GDPD1: variants seen among roughly 807,000 people sequenced by gnomAD.
GDPD1 encodes glycerophosphodiester phosphodiesterase domain containing 1.
GDPD1 carries 28 observed loss-of-function variants against 45.1 expected under a neutral mutation model. That is an observed-to-expected ratio of 0.62 (90% CI 0.46 to 0.85). GDPD1 has a LOEUF of 0.85. GDPD1 is among the 40% of genes least tolerant of loss of function. The pLI is 0.00. For synonymous variants in GDPD1, 139 were observed against 131.4 expected (o/e 1.06, Z -0.40); for missense variants, 256 against 364.8 (o/e 0.70, Z 2.43).
chr17:59,250,629 A>AG (rs1053196183), intron 4 of GDPD1, among the ~76,000 whole-genome samples: 3 of 145,494 alleles, frequency 2.1e-5, no homozygotes, highest in African/African-American at 8.0e-5. Flanking sequence ...AAAAAAAAAA[A>AG]AAATCCTTTG....
intron 7 of GDPD1, 106 bp downstream of exon 7, chr17:59,267,280 G>C: frequency 9.8e-7 from 1 of 1,024,692 alleles, no homozygotes; most frequent in East Asian, 2.4e-5. Context: ...TTTCTGTAGT[G>C]ATTTCCATGT....
chr17:59,228,767 G>A (rs1385999709), intron 1 of GDPD1, among the ~76,000 whole-genome samples: 1 of 151,536 alleles, frequency 6.6e-6, no homozygotes, highest in African/African-American at 2.4e-5. Flanking sequence ...TGTAGTCCTA[G>A]CTACTTGGGA....
At chr17:59,229,125 A>G (rs1390297046) in intron 1 of GDPD1, among the ~76,000 whole-genome samples, 14 of 32,752 alleles carry the variant, frequency 4.3e-4, no homozygotes, top group African/African-American at 1.0e-3. Context: ...TCAAATTGTT[A>G]TTATTATTAT....
At chr17:59,237,794 G>C (rs555523341) in intron 2 of GDPD1, among the ~76,000 whole-genome samples, 41 of 151,866 alleles carry the variant, frequency 2.7e-4, no homozygotes, top group Admixed American at 6.6e-4. Context: ...GGTCAGCTGG[G>C]TGCAGTGGCT....
chr17:59,229,337 A>G (rs896932029), intron 1 of GDPD1, among the ~76,000 whole-genome samples: 58 of 143,638 alleles, frequency 4.0e-4, no homozygotes, highest in African/African-American at 1.5e-3. Flanking sequence ...TTTTTTTTTG[A>G]CACAGAAGTG....
chr17:59,255,831 G>GTATATATATATA (rs369473417), intron 4 of GDPD1, among the ~76,000 whole-genome samples: 15 of 62,968 alleles, frequency 2.4e-4, no homozygotes, highest in African/African-American at 1.4e-3. Context: ...ATATATACGC[G>GTATATATATATA]TATATATATA....
Position 59,270,956 on chromosome 17 carries a change from T to C in GDPD1, c.731T>C (p.Met244Thr). The C allele has an allele frequency of 6.2e-7, 1 of 1,604,614 alleles. No individual in the cohort carries two copies. The highest frequency in any genetic ancestry group is 8.5e-7 in the Non-Finnish European group (1 of 1,174,326). ...CCTAGGCTAAAAGAACCACACACCA[T>C]GTCCAGAAGTCAAAAGTTTCTCATC... ...IILKLKEPHTMSRSQKFLIWL... is the reference protein window; with the variant it reads ...IILKLKEPHTTSRSQKFLIWL... Residue 244 changes from methionine (M) to threonine (T), a missense_variant, in exon 8 of 10, where the codon ATG becomes ACG. Transcript: ENST00000284116.
chr17:59,261,895 AAGTGCTG>A (rs1019322111), intron 6 of GDPD1, among the ~76,000 whole-genome samples: 2 of 147,372 alleles, frequency 1.4e-5, no homozygotes, highest in Non-Finnish European at 3.0e-5. Flanking sequence ...CGTTTTCCCA[AAGTGCTG>A]AGATTACAGG....
Position 59,274,096 on chromosome 17 carries a change from C to A in GDPD1, c.*323C>A. On this transcript the variant is annotated 3_prime_UTR_variant, in exon 10 of 10. Coordinates refer to ENST00000284116, the MANE Select transcript of GDPD1 (RefSeq NM_182569.4). ...AACATACACAGAAATGTACATACTA[C>A]ATCATCTACAGAAATCTTGATCAAT... The A allele has an allele frequency of 1.3e-6, 1 of 759,000 alleles. No individual in the cohort carries two copies. Among genetic ancestry groups the A allele is most frequent in the East Asian group, 1.3e-4 (1 of 7,658 alleles). 47.0% of individuals were successfully genotyped at this position (759,000 alleles called of 1,614,324 possible).
chr17:59,223,897 C>T lies in GDPD1; in HGVS notation c.142+3146C>T, dbSNP rs188598294. 7.9e-5 allele frequency among the ~76,000 whole-genome samples: 12 copies of T among 152,212 alleles called. No individual in the cohort carries two copies. The East Asian group carries it at 1.7e-3, about 22-fold the overall frequency. Reference sequence around the variant, plus strand: ...CTGCACTCCAGCTCAGGCGACAGTGCGAGACTCCGTCAGGGCACTCCGAGG... The same window carrying T: ...CTGCACTCCAGCTCAGGCGACAGTGTGAGACTCCGTCAGGGCACTCCGAGG... On this transcript the variant is annotated intron_variant, in intron 1 of 9. Transcript: ENST00000284116.
At chr17:59,248,703 G>T (rs929625693) in intron 3 of GDPD1, 37 bp from the exon 4 acceptor site, 2 of 1,433,576 alleles carry the variant, frequency 1.4e-6, no homozygotes, top group Admixed American at 1.9e-5. Context: ...ATTATTTTTT[G>T]AGAGTTAACT....
Position 59,245,530 on chromosome 17 carries a change from T to A in GDPD1, c.302T>A (p.Ile101Asn). 1 of 1,609,718 alleles carries A rather than the reference T, an allele frequency of 6.2e-7. No homozygotes were observed. The highest frequency in any genetic ancestry group is 8.5e-7 in the Non-Finnish European group (1 of 1,177,146). Residue 101 changes from isoleucine to asparagine, a missense_variant, in exon 3 of 10, where the codon ATC (isoleucine) becomes AAC (asparagine). Transcript: ENST00000284116. ...AGAGCAACTGGGGTCAATGTAAACATCTCTGATCTCAAATACTGTGTAAGT... is the reference window on the plus strand; with the variant it reads ...AGAGCAACTGGGGTCAATGTAAACAACTCTGATCTCAAATACTGTGTAAGT... ...LKRATGVNVN[I>N]SDLKYCELPP...
chr17:59,249,738 T>C (rs114898087), intron 4 of GDPD1, among the ~76,000 whole-genome samples: 1,614 of 152,332 alleles, frequency 0.011, 24 homozygotes, highest in African/African-American at 0.037. Flanking sequence ...CCTCACATTT[T>C]TGAATGATTC....
At chr17:59,249,513 G>C (rs1056641813) in intron 4 of GDPD1, among the ~76,000 whole-genome samples, 1 of 152,106 alleles carries the variant, frequency 6.6e-6, no homozygotes, top group African/African-American at 2.4e-5. Flanking sequence ...TCTTTTAGCT[G>C]CTCCATATTT....
At chr17:59,255,793 A>ATG (rs1568346764) in intron 4 of GDPD1, among the ~76,000 whole-genome samples, 9 of 65,694 alleles carry the variant, frequency 1.4e-4, no homozygotes, top group African/African-American at 9.5e-4. Flanking sequence ...ATACGCGTAT[A>ATG]TATGTATATA....
In GDPD1 at chr17:59,266,967, C is replaced by T. The variant is rs534709890; in HGVS notation, c.577-74C>T. 103 of 1,213,470 alleles carry T rather than the reference C, an allele frequency of 8.5e-5. 1 individual carries two copies. In the East Asian group the frequency reaches 2.3e-3, roughly 27 times the overall value. 75.2% of individuals were successfully genotyped at this position (1,213,470 alleles called of 1,614,324 possible). A position where few individuals can be genotyped will look rare whatever the true frequency, so the allele number is the denominator to read the frequency against. ...TTTCAACACATTGTCTTGGGAAATA[C>T]TGAGAGTTGTGAAGTAATCCTCTTT... On this transcript the variant is annotated intron_variant, in intron 6 of 9. Coordinates refer to ENST00000284116, the MANE Select transcript of GDPD1 (RefSeq NM_182569.4).
chr17:59,257,914 G>C (rs1210034457), intron 6 of GDPD1, 74 bp downstream of exon 6: 10 of 1,029,574 alleles, frequency 9.7e-6, no homozygotes, highest in Non-Finnish European at 1.4e-5. Flanking sequence ...AGTTATTATA[G>C]TAATAATTTT....
chr17:59,233,547 C>A lies in GDPD1; in HGVS notation c.143-945C>A, dbSNP rs969994461. 1.7e-4 allele frequency among the ~76,000 whole-genome samples: 25 copies of A among 147,808 alleles called. No individual in the cohort carries two copies. The East Asian group carries it at 3.4e-3, about 20-fold the overall frequency. ...AAAAAAAAGAAAGAAAAAACAAAAA[C>A]AAAACAATGAGACAGGTGGAGACTA... On this transcript the variant is annotated intron_variant, in intron 1 of 9. Coordinates refer to ENST00000284116, the MANE Select transcript of GDPD1 (RefSeq NM_182569.4).
intron 1 of GDPD1, among the ~76,000 whole-genome samples, chr17:59,223,421 T>C (rs2047021398): frequency 6.6e-6 from 1 of 152,198 alleles, no homozygotes; most frequent in Non-Finnish European, 1.5e-5. Context: ...TCCAGAGTGA[T>C]AGAGGAGATA....
Sources: allele counts gnomAD v4.1 joint callset (sites outside exome capture counted in the v4.1 genomes callset), GRCh38; gene constraint gnomAD v4.1.1; transcripts MANE v1.5; gene names NCBI Gene and HGNC (gene_info 2026-07-23, HGNC 2026-07-21).